The following PDE1A variants were observed in gnomAD, a reference collection of about 807,000 sequenced individuals.
The protein encoded by PDE1A is dual specificity calcium/calmodulin-dependent 3',5'-cyclic nucleotide phosphodiesterase 1A.
A neutral mutation model predicts 61.7 loss-of-function variants in PDE1A; 35 were observed. That is an observed-to-expected ratio of 0.57 (90% CI 0.43 to 0.75). The LOEUF (loss-of-function observed/expected upper bound fraction) is 0.75. Among genes scored for constraint, PDE1A ranks in the 30% least tolerant of loss-of-function variants. The pLI, the probability that PDE1A is intolerant of heterozygous loss-of-function variation, is 0.00. For synonymous variants in PDE1A, 232 were observed against 213.2 expected, an observed-to-expected ratio of 1.09 and a Z score of -0.77; for missense variants, 597 against 630.6, an observed-to-expected ratio of 0.95 and a Z score of 0.57.
chr2:182,629,639 G>A, the PDE1A span, among the ~76,000 whole-genome samples: 2 of 152,052 alleles, frequency 1.3e-5, no homozygotes, highest in Admixed American at 1.3e-4. Context: ...CTACAAAATA[G>A]CCCATGGTAT....
intron 1 of PDE1A, among the ~76,000 whole-genome samples, chr2:182,372,457 CTT>C (rs1047049815): frequency 3.3e-5 from 5 of 152,068 alleles, no homozygotes; most frequent in African/African-American, 9.7e-5. Flanking sequence ...TAAAGAAAAA[CTT>C]TGAACATGTC....
chr2:182,344,729 GTCTC>G (rs74268912), intron 1 of PDE1A, among the ~76,000 whole-genome samples: 49,248 of 119,766 alleles, frequency 0.41, 9,785 homozygotes, highest in Middle Eastern at 0.51. Flanking sequence ...CTTTCTCTCT[GTCTC>G]TCTGTCTCTC....
chr2:182,369,579 G>C (rs1164923274), intron 1 of PDE1A, among the ~76,000 whole-genome samples: 1 of 151,898 alleles, frequency 6.6e-6, no homozygotes, highest in Non-Finnish European at 1.5e-5. Flanking sequence ...AATAAAGGAA[G>C]TAGCACATTT....
At chr2:182,148,086 A>C (rs1690588790) in intron 13 of PDE1A, among the ~76,000 whole-genome samples, 1 of 152,198 alleles carries the variant, frequency 6.6e-6, no homozygotes, top group African/African-American at 2.4e-5. Flanking sequence ...CAAGATCAAA[A>C]TTTCAGGTAG....
intron 1 of PDE1A, among the ~76,000 whole-genome samples, chr2:182,376,651 C>T (rs539552955): frequency 1.2e-4 from 18 of 152,288 alleles, no homozygotes; most frequent in African/African-American, 3.9e-4. Context: ...TCCACATTTT[C>T]GGGTATCTTT....
At chr2:182,481,416 AT>A (rs1186502583) in intron 2 of PDE1A, among the ~76,000 whole-genome samples, 5 of 151,872 alleles carry the variant, frequency 3.3e-5, no homozygotes, top group Non-Finnish European at 5.9e-5. Flanking sequence ...AGTCTAATCC[AT>A]TTTTTTGAAT....
At chr2:182,670,029 C>T in the PDE1A span, among the ~76,000 whole-genome samples, 16 of 152,338 alleles carry the variant, frequency 1.1e-4, no homozygotes, top group South Asian at 3.3e-3. Context: ...ATATAAACCA[C>T]ATGCTGTTTG....
chr2:182,525,761 C>T (rs1410756448), upstream of PDE1A, among the ~76,000 whole-genome samples: 2 of 152,050 alleles, frequency 1.3e-5, no homozygotes, highest in Non-Finnish European at 2.9e-5. Context: ...ACATTGGCAC[C>T]ATGTAACAAA....
chr2:182,282,861 C>T (rs1191837683), intron 1 of PDE1A, among the ~76,000 whole-genome samples: 6 of 151,904 alleles, frequency 3.9e-5, no homozygotes, highest in Admixed American at 3.9e-4. Flanking sequence ...TCACAAAAGC[C>T]CTAATGAAAT....
chr2:182,166,492 C>T (rs1456376538), downstream of PDE1A, among the ~76,000 whole-genome samples: 1 of 152,202 alleles, frequency 6.6e-6, no homozygotes, highest in East Asian at 1.9e-4. Context: ...AACAGCCTCC[C>T]GGGAAGGGGG....
intron 2 of PDE1A, among the ~76,000 whole-genome samples, chr2:182,472,322 G>A (rs1687076437): frequency 6.6e-6 from 1 of 151,744 alleles, no homozygotes; most frequent in Non-Finnish European, 1.5e-5. Context: ...GGCCATCAAT[G>A]GATAACTGGA....
At chr2:182,622,931 A>G in the PDE1A span, among the ~76,000 whole-genome samples, 49 of 152,348 alleles carry the variant, frequency 3.2e-4, no homozygotes, top group African/African-American at 9.1e-4. Flanking sequence ...TTCTAATAGC[A>G]GAGTCTGTGG....
chr2:182,596,386 T>C, the PDE1A span, among the ~76,000 whole-genome samples: 1 of 152,092 alleles, frequency 6.6e-6, no homozygotes, highest in African/African-American at 2.4e-5. Flanking sequence ...ACATGAGACA[T>C]ACCTTCCCCC....
chr2:182,666,522 C>T, the PDE1A span, among the ~76,000 whole-genome samples: 1 of 151,654 alleles, frequency 6.6e-6, no homozygotes, highest in African/African-American at 2.4e-5. Context: ...GCAGGAGAAT[C>T]GCTTGAACCC....
At chr2:182,433,339 A>G (rs752560002) in intron 2 of PDE1A, among the ~76,000 whole-genome samples, 7 of 152,142 alleles carry the variant, frequency 4.6e-5, no homozygotes, top group Non-Finnish European at 8.8e-5. Flanking sequence ...AAGTCAAAAT[A>G]CTTTGACCAT....
chr2:182,403,891 G>T (rs376355342), intron 1 of PDE1A, among the ~76,000 whole-genome samples: 1 of 152,008 alleles, frequency 6.6e-6, no homozygotes, highest in Admixed American at 6.6e-5. Flanking sequence ...TAGATCATGG[G>T]TTGATGGGTG....
chr2:182,295,248 G>A lies in PDE1A; in HGVS notation c.54-30834C>T, dbSNP rs543629928. On this transcript the variant is annotated intron_variant, in intron 1 of 13. Transcript: ENST00000351439. ...CACCACCGCGCCCGGCTAATTTTTTGTATTTTTAGTAGAGACGGGGTTTCA... is the reference window on the plus strand; with the variant it reads ...CACCACCGCGCCCGGCTAATTTTTTATATTTTTAGTAGAGACGGGGTTTCA... Among the ~76,000 whole-genome samples the A allele has an allele frequency of 3.8e-4, 58 of 151,346 alleles. No individual in the cohort carries two copies. In the South Asian group the frequency reaches 9.4e-3, roughly 25 times the overall value.
At chr2:182,437,303 C>T (rs1163004724) in intron 2 of PDE1A, among the ~76,000 whole-genome samples, 1 of 151,888 alleles carries the variant, frequency 6.6e-6, no homozygotes, top group Non-Finnish European at 1.5e-5. Context: ...AAAGGTGTGT[C>T]TGTAAGGTAA....
intron 1 of PDE1A, among the ~76,000 whole-genome samples, chr2:182,403,631 T>C (rs1702140738): frequency 1.4e-5 from 2 of 143,264 alleles, no homozygotes; most frequent in South Asian, 2.2e-4. Flanking sequence ...GTGGCACATA[T>C]ACACCATGGA....
Sources: gnomAD v4.1 joint callset for allele counts (sites outside exome capture counted in the v4.1 genomes callset) on GRCh38, gnomAD v4.1.1 for gene constraint, MANE v1.5 for transcripts, NCBI Gene and HGNC (gene_info 2026-07-23, HGNC 2026-07-21) for gene names.